RNF150: variants seen among roughly 807,000 people sequenced by gnomAD.
The protein encoded by RNF150 is ring finger protein 150.
Under a neutral mutation model 39.3 loss-of-function variants are expected in RNF150, and 24 were observed. The ratio of observed to expected loss-of-function variants is 0.61; its 90% CI spans 0.44 to 0.86. RNF150 has a LOEUF of 0.86. Ranked by LOEUF, RNF150 falls within the 40% of genes least tolerant of loss-of-function variation. The pLI is 0.00. For missense variants in RNF150, 502 were observed against 587.8 expected, an observed-to-expected ratio of 0.85 and a Z score of 1.51; for synonymous variants, 255 against 227.3, an observed-to-expected ratio of 1.12 and a Z score of -1.10.
At chr4:140,933,584 G>C (rs1464213272) in intron 4 of RNF150, among the ~76,000 whole-genome samples, 1 of 152,176 alleles carries the variant, frequency 6.6e-6, no homozygotes, top group East Asian at 1.9e-4. Context: ...ATTATGATAT[G>C]TATGGGTTGA....
At chr4:141,148,349 A>G (rs1180388842) in intron 1 of RNF150, among the ~76,000 whole-genome samples, 1 of 152,214 alleles carries the variant, frequency 6.6e-6, no homozygotes, top group Admixed American at 6.5e-5. Context: ...TAAGCATTTT[A>G]TTGAATATGG....
At chr4:141,176,200 T>C (rs1200348687) in intron 1 of RNF150, among the ~76,000 whole-genome samples, 1 of 152,066 alleles carries the variant, frequency 6.6e-6, no homozygotes, top group East Asian at 1.9e-4. Context: ...ACCCAGGCTC[T>C]TGTGATTCTT....
At chr4:141,062,935 G>A (rs1737296267) in intron 1 of RNF150, among the ~76,000 whole-genome samples, 1 of 152,114 alleles carries the variant, frequency 6.6e-6, no homozygotes, top group South Asian at 2.1e-4. Flanking sequence ...GTGGTATTCG[G>A]TTTTCTGTTC....
chr4:141,004,657 T>C (rs1197678074), intron 1 of RNF150, among the ~76,000 whole-genome samples: 1 of 152,206 alleles, frequency 6.6e-6, no homozygotes, highest in Non-Finnish European at 1.5e-5. Context: ...TTCTATATCT[T>C]ATAATAATCC....
intron 2 of RNF150, among the ~76,000 whole-genome samples, chr4:140,962,235 A>G (rs1198672393): frequency 6.6e-6 from 1 of 151,760 alleles, no homozygotes; most frequent in Admixed American, 6.6e-5. Flanking sequence ...CATTTTCTTC[A>G]GTCTAGAGCT....
At chr4:141,053,669 AG>A (rs915316087) in intron 1 of RNF150, 3 of 1,385,838 alleles carry the variant, frequency 2.2e-6, no homozygotes, top group African/African-American at 2.9e-5. Flanking sequence ...AGCATACCTG[AG>A]GAAAGGGAAT....
At chr4:140,937,851 A>G (rs1342275337) in intron 4 of RNF150, among the ~76,000 whole-genome samples, 1 of 152,174 alleles carries the variant, frequency 6.6e-6, no homozygotes, top group Non-Finnish European at 1.5e-5. Context: ...ACAGCTATAA[A>G]TAGATTGACC....
At chr4:141,094,693 T>C (rs529570722) in intron 1 of RNF150, among the ~76,000 whole-genome samples, 1 of 152,380 alleles carries the variant, frequency 6.6e-6, no homozygotes, top group African/African-American at 2.4e-5. Context: ...CAAAATTATC[T>C]GTCAGGAAGT....
intron 6 of RNF150, among the ~76,000 whole-genome samples, chr4:140,907,411 A>AT (rs550459366): frequency 6.3e-4 from 94 of 150,128 alleles, no homozygotes; most frequent in Non-Finnish European, 9.8e-4. Context: ...AATGTTTTTC[A>AT]TTTTTTTTTT....
Position 141,197,512 on chromosome 4 carries a change from G to T in RNF150, c.-6+15282C>A, listed in dbSNP as rs143934674. Among the ~76,000 whole-genome samples the T allele has an allele frequency of 2.1e-3, 322 of 152,232 alleles. 3 individuals carry two copies. Among genetic ancestry groups the T allele is most frequent in the Middle Eastern group, 6.8e-3 (2 of 294 alleles). ...AGAAAATTAAGCTAAAACACATTTT[G>T]TATTTTCTCTCCAAATTTACTTTCA... On this transcript the variant is annotated intron_variant, in intron 1 of 7. Coordinates refer to the RNF150 transcript ENST00000420921.
chr4:140,930,880 A>G (rs1428934581), intron 4 of RNF150, among the ~76,000 whole-genome samples: 1 of 151,636 alleles, frequency 6.6e-6, no homozygotes, highest in Non-Finnish European at 1.5e-5. Context: ...AGGCAGCATC[A>G]CAGTCATTTA....
At chr4:141,183,695 C>G (rs767285500) in intron 1 of RNF150, among the ~76,000 whole-genome samples, 7 of 151,788 alleles carry the variant, frequency 4.6e-5, no homozygotes, top group Non-Finnish European at 1.0e-4. Context: ...CCCCCAACAG[C>G]GCCTCCCTGT....
At chr4:140,997,708 A>T (rs572513729) in intron 1 of RNF150, among the ~76,000 whole-genome samples, 2 of 149,894 alleles carry the variant, frequency 1.3e-5, no homozygotes, top group African/African-American at 2.5e-5. Context: ...ATATATACAC[A>T]CACATATATG....
intron 1 of RNF150, among the ~76,000 whole-genome samples, chr4:141,044,636 C>T (rs1736495243): frequency 6.6e-6 from 1 of 152,118 alleles, no homozygotes; most frequent in African/African-American, 2.4e-5. Flanking sequence ...GTTTAGAAGA[C>T]TAAAGAAATT....
intron 1 of RNF150, among the ~76,000 whole-genome samples, chr4:141,061,781 A>G (rs1306081614): frequency 6.6e-6 from 1 of 152,200 alleles, no homozygotes; most frequent in East Asian, 1.9e-4. Flanking sequence ...AAGACTTAAA[A>G]TATCCTCTCT....
At chr4:141,100,204 T>C (rs898311902) in intron 1 of RNF150, among the ~76,000 whole-genome samples, 13 of 152,182 alleles carry the variant, frequency 8.5e-5, no homozygotes, top group Non-Finnish European at 1.8e-4. Context: ...AGCTCTTTAG[T>C]GTGGTAATTA....
At chr4:141,044,665 G>A (rs537685524) in intron 1 of RNF150, among the ~76,000 whole-genome samples, 1 of 152,138 alleles carries the variant, frequency 6.6e-6, no homozygotes, top group Non-Finnish European at 1.5e-5. Flanking sequence ...TTATGACTCA[G>A]ATCAGAAGCC....
At chr4:141,014,486 G>C (rs1373677331) in intron 1 of RNF150, among the ~76,000 whole-genome samples, 1 of 152,130 alleles carries the variant, frequency 6.6e-6, no homozygotes, top group African/African-American at 2.4e-5. Context: ...TTTTTCTCCA[G>C]ATTCTCTCCA....
chr4:141,133,577 T>G (rs1726968800), upstream of RNF150: 1 of 152,184 alleles, frequency 6.6e-6, no homozygotes, highest in South Asian at 2.1e-4. Context: ...GGTCTCTCTT[T>G]ATGGGCAGCA....
Sources: gnomAD v4.1 joint callset for allele counts (sites outside exome capture counted in the v4.1 genomes callset) on GRCh38, gnomAD v4.1.1 for gene constraint, MANE v1.5 for transcripts, NCBI Gene and HGNC (gene_info 2026-07-23, HGNC 2026-07-21) for gene names.